The following TMEM71 variants were observed in gnomAD, a reference collection of about 807,000 sequenced individuals.
TMEM71 encodes transmembrane protein 71.
TMEM71 carries 44 observed loss-of-function variants against 38.0 expected under a neutral mutation model. That is an observed-to-expected ratio of 1.16 (90% CI 0.91 to 1.49). The LOEUF (loss-of-function observed/expected upper bound fraction) is 1.49, where lower values mean the gene tolerates loss of function less well. TMEM71 is among the 40% of genes most tolerant of loss of function. The probability of loss-of-function intolerance (pLI) is 0.00; values close to 1 mark genes in which losing one functional copy is unlikely to be tolerated. For synonymous variants in TMEM71, 133 were observed against 122.5 expected (o/e 1.09, Z -0.56); for missense variants, 367 against 348.6 (o/e 1.05, Z -0.42).
At chr8:132,770,617 G>A in the TMEM71 span, among the ~76,000 whole-genome samples, 1 of 152,160 alleles carries the variant, frequency 6.6e-6, no homozygotes, top group African/African-American at 2.4e-5. Context: ...AGTGAAAGAT[G>A]TTATAATTTT....
rs138663571 is a variant in TMEM71 at position 132,737,681 on chromosome 8, C to T, written c.487+9261G>A. ...CAGAGGCTTTGCAGAGAAGTGATGA[C>T]GTGACATGTGGCTTTCTTGGAACTG... On this transcript the variant is annotated intron_variant, in intron 5 of 9. Transcript: ENST00000677595. 1.2e-4 allele frequency among the ~76,000 whole-genome samples: 19 copies of T among 152,282 alleles called. No individual in the cohort carries two copies. In the East Asian group the frequency reaches 2.9e-3, roughly 23 times the overall value.
chr8:132,770,968 C>T, the TMEM71 span, among the ~76,000 whole-genome samples: 1 of 152,058 alleles, frequency 6.6e-6, no homozygotes, highest in Admixed American at 6.6e-5. Flanking sequence ...AATTGGCAGA[C>T]CAAAGCTTGA....
intron 1 of TMEM71, among the ~76,000 whole-genome samples, chr8:132,759,766 A>G (rs1829230772): frequency 6.6e-6 from 1 of 152,232 alleles, no homozygotes; most frequent in African/African-American, 2.4e-5. Context: ...AATTCAATCA[A>G]TCAAACCAGG....
At chr8:132,745,245 A>G (rs1413708065) in intron 5 of TMEM71, among the ~76,000 whole-genome samples, 1 of 152,202 alleles carries the variant, frequency 6.6e-6, no homozygotes, top group Non-Finnish European at 1.5e-5. Context: ...TATACAACCT[A>G]CAGAATGGTA....
At position 132,757,310 on chromosome 8, in the gene TMEM71, AG is replaced by A; in HGVS notation, c.41-17del. On this transcript the variant is annotated splice_polypyrimidine_tract_variant and intron_variant, in intron 2 of 9. Transcript: ENST00000677595. ...CTGGAAGAACCTGCATAAACAAATG[AG>A]AGAGAAGTAGAATGTATCATACCTG... 29 of 580,984 alleles carry A rather than the reference AG, an allele frequency of 5.0e-5. No homozygotes were observed. The highest frequency in any genetic ancestry group is 6.8e-5 in the Non-Finnish European group (28 of 412,516). 36.0% of individuals were successfully genotyped at this position (580,984 alleles called of 1,614,324 possible).
the TMEM71 span, among the ~76,000 whole-genome samples, chr8:132,775,819 C>A: frequency 6.6e-6 from 1 of 152,156 alleles, no homozygotes; most frequent in Non-Finnish European, 1.5e-5. Context: ...CCTTCCTTAC[C>A]CCCCTGCGGA....
At chr8:132,760,427 G>A (rs950603388) in intron 1 of TMEM71, 49 bp downstream of exon 1, 2 of 152,224 alleles carry the variant, frequency 1.3e-5, no homozygotes, top group African/African-American at 4.8e-5. Context: ...AAAAATGTCT[G>A]AATGTCAACA....
chr8:132,735,945 A>G (rs1323655371), intron 5 of TMEM71, among the ~76,000 whole-genome samples: 3 of 152,270 alleles, frequency 2.0e-5, no homozygotes, highest in Non-Finnish European at 2.9e-5. Flanking sequence ...AAAAATAAGT[A>G]CAATGGAAAA....
At chr8:132,753,225 T>C (rs1055534207) in intron 3 of TMEM71, among the ~76,000 whole-genome samples, 1 of 152,042 alleles carries the variant, frequency 6.6e-6, no homozygotes, top group African/African-American at 2.4e-5. Flanking sequence ...TCAATGCCAG[T>C]TACTGAACGA....
At chr8:132,736,545 G>C (rs1371269102) in intron 5 of TMEM71, among the ~76,000 whole-genome samples, 1 of 152,084 alleles carries the variant, frequency 6.6e-6, no homozygotes, top group Non-Finnish European at 1.5e-5. Context: ...ATTGCTAGGA[G>C]AGGGCCAGGC....
intron 3 of TMEM71, among the ~76,000 whole-genome samples, chr8:132,756,411 TTA>T (rs55767264): frequency 0.022 from 2,557 of 115,728 alleles, 42 homozygotes; most frequent in Non-Finnish European, 0.028. Context: ...AACATATATA[TTA>T]TATATATATA....
chr8:132,736,878 A>G (rs1434153024), intron 5 of TMEM71, among the ~76,000 whole-genome samples: 1 of 152,206 alleles, frequency 6.6e-6, no homozygotes, highest in African/African-American at 2.4e-5. Context: ...TGTTCTCACA[A>G]CAACAATAAC....
chr8:132,727,914 G>T lies in TMEM71; in HGVS notation c.560C>A (p.Thr187Asn), dbSNP rs750920729. 3 of 1,614,088 alleles carry T rather than the reference G, an allele frequency of 1.9e-6. No individual in the cohort carries two copies. Among genetic ancestry groups the T allele is most frequent in the South Asian group, 1.1e-5 (1 of 91,084 alleles). Residue 187 changes from threonine (T) to asparagine (N), a missense_variant, in exon 6 of 10, where the codon ACC becomes AAC. Physicochemically the swap from Thr to Asn is moderately conservative, Grantham distance 65. Coordinates refer to ENST00000677595, the MANE Select transcript of TMEM71 (RefSeq NM_001382403.1). Reference protein sequence around the residue: ...SGKMNAESVITSSSSHIISQP... With the variant: ...SGKMNAESVINSSSSHIISQP... Reference sequence around the variant, plus strand: ...AGATATGATGTGGCTGGAAGAGGAGGTGATCACAGACTCTGCATTCATCTT... The same window carrying T: ...AGATATGATGTGGCTGGAAGAGGAGTTGATCACAGACTCTGCATTCATCTT...
chr8:132,722,761 T>C lies in TMEM71; in HGVS notation c.677-646A>G, dbSNP rs529704847. 7.2e-5 allele frequency among the ~76,000 whole-genome samples: 11 copies of C among 152,360 alleles called. No individual in the cohort carries two copies. In the South Asian group the frequency reaches 1.4e-3, roughly 20 times the overall value. Reference sequence around the variant, plus strand: ...AGACAAAAAATGAGAACATATATTATGAAATATTTGTCTTTGAAAACTCTT... The same window carrying C: ...AGACAAAAAATGAGAACATATATTACGAAATATTTGTCTTTGAAAACTCTT... On this transcript the variant is annotated intron_variant, in intron 6 of 9. Transcript: ENST00000677595.
At chr8:132,755,899 A>T (rs1828977164) in intron 3 of TMEM71, among the ~76,000 whole-genome samples, 1 of 152,194 alleles carries the variant, frequency 6.6e-6, no homozygotes, top group Non-Finnish European at 1.5e-5. Flanking sequence ...CAAAAACAGC[A>T]AATTACTTGG....
chr8:132,728,049 T>TGTGTG, intron 5 of TMEM71, 63 bp from the exon 6 acceptor site: 50 of 1,061,802 alleles, frequency 4.7e-5, no homozygotes, highest in African/African-American at 1.4e-4. Context: ...TGTGTGTGTG[T>TGTGTG]TCAGTGACTG....
At chr8:132,742,525 T>C (rs1168435904) in intron 5 of TMEM71, among the ~76,000 whole-genome samples, 1 of 152,232 alleles carries the variant, frequency 6.6e-6, no homozygotes, top group Non-Finnish European at 1.5e-5. Context: ...TCTCATGCTG[T>C]TTCAGGCATT....
At chr8:132,768,813 T>C in the TMEM71 span, among the ~76,000 whole-genome samples, 1 of 152,260 alleles carries the variant, frequency 6.6e-6, no homozygotes, top group African/African-American at 2.4e-5. Flanking sequence ...ATTATTTCAT[T>C]TGAATGTCCA....
At chr8:132,752,039 A>G (rs752756413) in intron 3 of TMEM71, 42 bp from the exon 4 acceptor site, 1 of 1,521,212 alleles carries the variant, frequency 6.6e-7, no homozygotes, top group South Asian at 1.1e-5. Context: ...TCTATTCAGT[A>G]CATCCAGTCC....
Sources: gnomAD v4.1 joint callset for allele counts (sites outside exome capture counted in the v4.1 genomes callset) on GRCh38, gnomAD v4.1.1 for gene constraint, MANE v1.5 for transcripts, NCBI Gene and HGNC (gene_info 2026-07-23, HGNC 2026-07-21) for gene names.